Variants in SLC1A4 observed in about 807,000 individuals in gnomAD.
SLC1A4 encodes the protein solute carrier family 1 member 4, also known as neutral amino acid transporter A.
SLC1A4 carries 19 observed loss-of-function variants against 37.7 expected under a neutral mutation model. The observed-to-expected ratio is 0.50, with a 90% CI of 0.35 to 0.74. SLC1A4 has a LOEUF of 0.74. Ranked by LOEUF, SLC1A4 falls within the 30% of genes least tolerant of loss-of-function variation. SLC1A4 has a pLI of 0.01. For synonymous variants in SLC1A4, 299 were observed against 309.8 expected (o/e 0.97, Z 0.37); for missense variants, 570 against 712.9 (o/e 0.80, Z 2.28).
chr2:65,021,153 T>C lies in SLC1A4; in HGVS notation c.*7T>C. ...CAAGGAGTCGGTTCTGTGATGGGGC[T>C]GGGCTTTGGGCTTGCCTGCCAGCAG... On this transcript the variant is annotated 3_prime_UTR_variant, in exon 8 of 8. Transcript: ENST00000234256. The C allele has an allele frequency of 6.2e-7, 1 of 1,606,270 alleles. No homozygotes were observed. Among genetic ancestry groups the C allele is most frequent in the Non-Finnish European group, 8.5e-7 (1 of 1,173,192 alleles).
rs774629679 is a variant in SLC1A4, at chr2:65,016,646, T to C, written c.1007T>C (p.Phe336Ser). The C allele has an allele frequency of 2.5e-6, 4 of 1,614,074 alleles. No homozygotes were observed. The highest frequency in any genetic ancestry group is 3.4e-6 in the Non-Finnish European group (4 of 1,180,022). The change falls in exon 5 of 8, where the codon TTT becomes TCT. Residue 336 changes from phenylalanine (F) to serine (S), a missense_variant. Phe to Ser is a radical substitution (Grantham distance 155). Coordinates refer to ENST00000234256, the MANE Select transcript of SLC1A4 (RefSeq NM_003038.5). Reference sequence around the variant, plus strand: ...TTCCTCCTGGGCCTCCTCGCCCCATTTGCGACAGCATTTGCTACCTGCTCC... The same window carrying C: ...TTCCTCCTGGGCCTCCTCGCCCCATCTGCGACAGCATTTGCTACCTGCTCC... ...FRFLLGLLAP[F>S]ATAFATCSSS...
At position 64,989,989 on chromosome 2, in the gene SLC1A4, A is replaced by T; in HGVS notation, c.346A>T (p.Ile116Phe). Residue 116 changes from isoleucine (I) to phenylalanine (F), a missense_variant, in exon 1 of 8, where the codon ATC becomes TTC. By Grantham distance (21) the Ile-to-Phe change is conservative (BLOSUM62 0). Transcript: ENST00000234256. ...CAGCTGCCTCGGGCGTCTGGGCGGC[A>T]TCGCTGTCGCCTACTTTGGCCTCAC... ...DASCLGRLGGIAVAYFGLTTL... is the reference protein window; with the variant it reads ...DASCLGRLGGFAVAYFGLTTL... 6.3e-7 allele frequency: 1 copy of T among 1,589,838 alleles called. No homozygotes were observed. Among genetic ancestry groups the T allele is most frequent in the Non-Finnish European group, 8.6e-7 (1 of 1,168,020 alleles).
upstream of SLC1A4, among the ~76,000 whole-genome samples, chr2:64,988,778 G>T (rs1264678831): frequency 6.6e-6 from 1 of 152,168 alleles, no homozygotes; most frequent in African/African-American, 2.4e-5. Context: ...GGGATCTTCC[G>T]CAGGAGGGGA....
At chr2:65,008,739 T>C (rs1673785474) in intron 3 of SLC1A4, among the ~76,000 whole-genome samples, 1 of 152,250 alleles carries the variant, frequency 6.6e-6, no homozygotes, top group South Asian at 2.1e-4. Flanking sequence ...CCTAGAATGA[T>C]CTCCAAGATA....
intron 1 of SLC1A4, among the ~76,000 whole-genome samples, chr2:64,991,719 G>T (rs1673065343): frequency 1.3e-5 from 2 of 152,320 alleles, no homozygotes; most frequent in African/African-American, 4.8e-5. Context: ...TCCTGCCTCA[G>T]CCTCCCGAGT....
chr2:65,004,671 T>TA (rs964623914), intron 3 of SLC1A4, among the ~76,000 whole-genome samples: 1 of 152,084 alleles, frequency 6.6e-6, no homozygotes, highest in Non-Finnish European at 1.5e-5. Flanking sequence ...TATTACATTT[T>TA]AAAAAAATCA....
chr2:64,992,625 A>G (rs1473183887), intron 1 of SLC1A4, among the ~76,000 whole-genome samples: 2 of 152,334 alleles, frequency 1.3e-5, no homozygotes, highest in South Asian at 2.1e-4. Flanking sequence ...GGAGTGGCTT[A>G]TAAAGAAGAG....
intron 1 of SLC1A4, among the ~76,000 whole-genome samples, chr2:64,991,791 CG>C (rs1673071123): frequency 6.6e-6 from 1 of 152,034 alleles, no homozygotes; most frequent in African/African-American, 2.4e-5. Context: ...TTAGTAGAGA[CG>C]GGGTTTCACC....
In SLC1A4 at chr2:65,018,102, A is replaced by G; in HGVS notation, c.1066A>G (p.Ile356Val). ...GACCCTTCCCTCTATGATGAAGTGCATTGAAGAGAACAATGGTGTGGACAA... is the reference window on the plus strand; with the variant it reads ...GACCCTTCCCTCTATGATGAAGTGCGTTGAAGAGAACAATGGTGTGGACAA... The part of the protein sequence containing the change: ...SATLPSMMKC[I>V]EENNGVDKRI... The change falls in exon 6 of 8, where the codon ATT becomes GTT. Residue 356 changes from isoleucine to valine, a missense_variant. Ile to Val is a conservative substitution (Grantham distance 29). Transcript: ENST00000234256. The surrounding 1 kb of genome is among the most constrained non-coding windows in gnomAD (Gnocchi z 4.3). The G allele has an allele frequency of 6.2e-7, 1 of 1,614,144 alleles. No homozygotes were observed. The highest frequency in any genetic ancestry group is 8.5e-7 in the Non-Finnish European group (1 of 1,180,024).
intron 1 of SLC1A4, among the ~76,000 whole-genome samples, chr2:64,998,511 T>C (rs74565391): frequency 0.026 from 3,934 of 152,204 alleles, 182 homozygotes; most frequent in African/African-American, 0.09. Context: ...ACACATCACA[T>C]TTTTCTTAGG....
intron 4 of SLC1A4, among the ~76,000 whole-genome samples, chr2:65,011,739 GT>G (rs1673927622): frequency 6.6e-6 from 1 of 152,114 alleles, no homozygotes; most frequent in Non-Finnish European, 1.5e-5. Context: ...TTATCCTGCT[GT>G]TTTACCCAAA....
Position 65,022,943 on chromosome 2 carries a change from T to C in SLC1A4, c.*1797T>C, listed in dbSNP as rs1453031935. On this transcript the variant is annotated 3_prime_UTR_variant, in exon 8 of 8. Coordinates refer to ENST00000234256, the MANE Select transcript of SLC1A4 (RefSeq NM_003038.5). ...TACCATTGAGATGAGAATGGGTAGATGGAACGGAGACCATCAAGCCACACC... is the reference window on the plus strand; with the variant it reads ...TACCATTGAGATGAGAATGGGTAGACGGAACGGAGACCATCAAGCCACACC... 1 of 152,198 alleles carries C rather than the reference T, an allele frequency of 6.6e-6. No individual in the cohort carries two copies. The allele number at this position is 152,198 out of a possible 1,614,324, so 9.4% of individuals were successfully genotyped here.
At chr2:65,003,616 A>C (rs1673560387) in intron 2 of SLC1A4, among the ~76,000 whole-genome samples, 1 of 152,242 alleles carries the variant, frequency 6.6e-6, no homozygotes, top group South Asian at 2.1e-4. Context: ...TATTCAAATA[A>C]TATGACATAT....
Position 64,991,593 on chromosome 2 carries a change from T to TTTTGTTTG in SLC1A4, c.527+1439_527+1446dup, listed in dbSNP as rs10659734. ...CAGGTGCACACCACCACACCCAGCT[T>TTTTGTTTG]TTTGTTTGTTTGTTTGTTTGTTTTT... On this transcript the variant is annotated intron_variant, in intron 1 of 7. Coordinates refer to ENST00000234256, the MANE Select transcript of SLC1A4 (RefSeq NM_003038.5). Among the ~76,000 whole-genome samples the TTTTGTTTG allele has an allele frequency of 9.6e-3, 1,378 of 143,506 alleles. 29 individuals are homozygous for TTTTGTTTG. The highest frequency in any genetic ancestry group is 0.034 in the African/African-American group (1,328 of 39,100). 94.1% of individuals were successfully genotyped at this position (143,506 alleles called of 152,430 possible).
intron 1 of SLC1A4, among the ~76,000 whole-genome samples, chr2:64,992,385 T>G (rs1673091386): frequency 6.6e-6 from 1 of 152,214 alleles, no homozygotes; most frequent in South Asian, 2.1e-4. Context: ...TGACCCAGCG[T>G]CATAGCTTAG....
intron 1 of SLC1A4, among the ~76,000 whole-genome samples, chr2:64,993,313 C>T (rs1373631523): frequency 6.6e-6 from 1 of 152,192 alleles, no homozygotes; most frequent in African/African-American, 2.4e-5. Flanking sequence ...GTTTTTAAAG[C>T]TGGAACTACA....
intron 1 of SLC1A4, among the ~76,000 whole-genome samples, chr2:64,997,078 T>C (rs1323369614): frequency 2.0e-5 from 3 of 152,036 alleles, no homozygotes; most frequent in Non-Finnish European, 4.4e-5. Flanking sequence ...TCCTTGCCCT[T>C]GGTGACAGCA....
chr2:64,988,867 G>A (rs1225303963), upstream of SLC1A4, among the ~76,000 whole-genome samples: 1 of 32,662 alleles, frequency 3.1e-5, no homozygotes, highest in Non-Finnish European at 5.7e-5. Context: ...CTGGAGAGGA[G>A]CGCGGGCCGC....
chr2:65,007,734 G>A (rs1250740656), intron 3 of SLC1A4, among the ~76,000 whole-genome samples: 2 of 152,126 alleles, frequency 1.3e-5, no homozygotes, highest in African/African-American at 4.8e-5. Context: ...TAGTTTGGGG[G>A]TACATGTGAT....
Sources: allele counts gnomAD v4.1 joint callset (sites outside exome capture counted in the v4.1 genomes callset), GRCh38; gene constraint gnomAD v4.1.1; non-coding constraint Gnocchi (gnomAD v3.1); transcripts MANE v1.5; gene names NCBI Gene and HGNC (gene_info 2026-07-23, HGNC 2026-07-21).